Variants in ARHGAP32 observed in about 807,000 individuals in gnomAD.
ARHGAP32 encodes Rho GTPase activating protein 32.
Under a neutral mutation model 186.5 loss-of-function variants are expected in ARHGAP32, and 51 were observed. The observed-to-expected ratio is 0.27, with a 90% CI of 0.22 to 0.35. The LOEUF (loss-of-function observed/expected upper bound fraction) is 0.35, where lower values mean the gene tolerates loss of function less well. Ranked by LOEUF, ARHGAP32 falls within the 10% of genes least tolerant of loss-of-function variation. ARHGAP32 has a pLI of 1.00. For missense variants in ARHGAP32, 2,186 were observed against 2,623.5 expected (o/e 0.83, Z 3.64); for synonymous variants, 950 against 964.3 (o/e 0.99, Z 0.27).
intron 6 of ARHGAP32, among the ~76,000 whole-genome samples, chr11:129,076,643 A>G (rs958409768): frequency 7.9e-5 from 12 of 152,246 alleles, no homozygotes; most frequent in Non-Finnish European, 1.6e-4. Flanking sequence ...AAACAAAAAT[A>G]CAACTTACCC....
chr11:129,125,784 T>G, intron 2 of ARHGAP32: 1 of 353,212 alleles, frequency 2.8e-6, no homozygotes, highest in Non-Finnish European at 5.6e-6. Context: ...GGGTTCAATT[T>G]TCCTTTTTGA....
In ARHGAP32 at chr11:129,223,073, T is replaced by A. The variant is rs7108775; in HGVS notation, c.-5+56073A>T. Among the ~76,000 whole-genome samples the A allele has an allele frequency of 1.4e-3, 218 of 152,328 alleles. 3 individuals are homozygous for A. The East Asian group carries it at 0.029, about 20-fold the overall frequency. ...CTAACTCAATACATCCAAATCATTA[T>A]CAGTTCAATGTGTAATCAATATTCT... is the stretch of plus-strand genomic sequence containing the variant. On this transcript the variant is annotated intron_variant, in intron 1 of 6. Coordinates refer to the ARHGAP32 transcript ENST00000525234.
At chr11:129,019,633 T>C (rs1938509055) in intron 11 of ARHGAP32, among the ~76,000 whole-genome samples, 1 of 152,188 alleles carries the variant, frequency 6.6e-6, no homozygotes, top group Admixed American at 6.5e-5. Flanking sequence ...ATTATTCATA[T>C]TTCAATTCAT....
At position 128,970,512 on chromosome 11, in the gene ARHGAP32, G is replaced by A. The variant is rs1375371480; in HGVS notation, c.4701C>T (p.Ser1567=). Residue 1567 remains serine (S), a synonymous_variant, in exon 23 of 23, where the codon AGC becomes AGT. Transcript: ENST00000682385. This position sits in a 1 kb window ranked among gnomAD's most constrained non-coding sequence, Gnocchi z 5.8. ...TCAAAGAAGACACATACTCGACCCG[G>A]CTGCATGGCTTGGAGTGGTGTCCAG... ...NASGHHSKPC[S]RVEYVSSLSS... 1.2e-6 allele frequency: 2 copies of A among 1,614,068 alleles called. No individual in the cohort carries two copies. The highest frequency in any genetic ancestry group is 1.7e-6 in the Non-Finnish European group (2 of 1,180,038).
rs117757548 is a variant in ARHGAP32 at position 129,037,267 on chromosome 11, C to A, written c.1045+3661G>T. ...ATCCCAGCACTTTTGGAGGCTCATG[C>A]GGGAGGATCACTTAAGGCCAGGAGT... is the stretch of plus-strand genomic sequence containing the variant. On this transcript the variant is annotated intron_variant, in intron 11 of 22. Transcript: ENST00000682385. 6.3e-3 allele frequency among the ~76,000 whole-genome samples: 962 copies of A among 151,806 alleles called. 13 individuals are homozygous for A. The highest frequency in any genetic ancestry group is 9.2e-3 in the Non-Finnish European group (624 of 67,888).
At chr11:128,989,515 T>TACACACACACAC (rs1555065707) in intron 12 of ARHGAP32, among the ~76,000 whole-genome samples, 8 of 87,236 alleles carry the variant, frequency 9.2e-5, no homozygotes, top group South Asian at 6.7e-4. Flanking sequence ...TGTTTTTTAT[T>TACACACACACAC]TCACACACAC....
At chr11:129,106,195 T>C (rs1473472514) in intron 5 of ARHGAP32, among the ~76,000 whole-genome samples, 2 of 152,076 alleles carry the variant, frequency 1.3e-5, no homozygotes, top group African/African-American at 4.8e-5. Flanking sequence ...AGAAAACAAA[T>C]TGTTCTACCA....
intron 1 of ARHGAP32, among the ~76,000 whole-genome samples, chr11:129,229,405 TTTATA>T (rs1944828942): frequency 6.6e-6 from 1 of 152,098 alleles, no homozygotes; most frequent in African/African-American, 2.4e-5. Context: ...GGAAGTTATG[TTTATA>T]TTAATTAGTG....
chr11:129,253,777 G>A (rs1591721306), intron 1 of ARHGAP32, among the ~76,000 whole-genome samples: 1 of 152,040 alleles, frequency 6.6e-6, no homozygotes, highest in African/African-American at 2.4e-5. Flanking sequence ...ATATTCTAGT[G>A]CTTACAAAGT....
intron 1 of ARHGAP32, among the ~76,000 whole-genome samples, chr11:129,173,647 A>T (rs1409021601): frequency 6.6e-6 from 1 of 152,234 alleles, no homozygotes; most frequent in African/African-American, 2.4e-5. Context: ...CATTCCTGGG[A>T]TGCAAGTCTG....
intron 2 of ARHGAP32, among the ~76,000 whole-genome samples, chr11:129,162,367 T>C (rs1591662114): frequency 6.6e-6 from 1 of 152,172 alleles, no homozygotes; most frequent in African/African-American, 2.4e-5. Context: ...AGCAAATCAA[T>C]AGTCACTTAA....
chr11:129,110,535 T>C (rs1302672697), intron 5 of ARHGAP32, among the ~76,000 whole-genome samples: 1 of 152,176 alleles, frequency 6.6e-6, no homozygotes, highest in African/African-American at 2.4e-5. Flanking sequence ...TTGTACAGTA[T>C]GGTCATTTTA....
chr11:129,155,835 G>A (rs755807642), intron 2 of ARHGAP32, among the ~76,000 whole-genome samples: 3 of 152,198 alleles, frequency 2.0e-5, no homozygotes, highest in Non-Finnish European at 4.4e-5. Flanking sequence ...CGAGATCAAT[G>A]CAGAAGGCGG....
At chr11:129,013,258 C>T (rs1008185726) in intron 11 of ARHGAP32, among the ~76,000 whole-genome samples, 2 of 152,214 alleles carry the variant, frequency 1.3e-5, no homozygotes, top group African/African-American at 4.8e-5. Flanking sequence ...ATACGTGCAG[C>T]TCTGGCTTCT....
At chr11:129,006,393 T>C (rs987087876) in intron 11 of ARHGAP32, among the ~76,000 whole-genome samples, 1 of 152,214 alleles carries the variant, frequency 6.6e-6, no homozygotes, top group Non-Finnish European at 1.5e-5. Context: ...TCAAAAGAAG[T>C]TGGGTGTTGT....
At chr11:129,013,138 C>T (rs1420622828) in intron 11 of ARHGAP32, among the ~76,000 whole-genome samples, 2 of 152,156 alleles carry the variant, frequency 1.3e-5, no homozygotes, top group South Asian at 2.1e-4. Context: ...TGACACAAGG[C>T]GCAATTAAGT....
intron 15 of ARHGAP32, among the ~76,000 whole-genome samples, chr11:128,984,723 T>C (rs943779052): frequency 1.3e-5 from 2 of 152,112 alleles, no homozygotes; most frequent in Non-Finnish European, 2.9e-5. Context: ...TAATATAATA[T>C]ATATTAGAAG....
intron 1 of ARHGAP32, among the ~76,000 whole-genome samples, chr11:129,278,565 C>A (rs1945563618): frequency 6.6e-6 from 1 of 152,032 alleles, no homozygotes; most frequent in Non-Finnish European, 1.5e-5. Context: ...ACAGGGGTGG[C>A]GAGGAAGCGA....
chr11:129,158,341 C>T (rs908277771), intron 2 of ARHGAP32, among the ~76,000 whole-genome samples: 3 of 149,114 alleles, frequency 2.0e-5, no homozygotes, highest in Non-Finnish European at 4.4e-5. Flanking sequence ...ATCTCACATG[C>T]GCACATAGGC....
Sources: gnomAD v4.1 joint callset for allele counts (sites outside exome capture counted in the v4.1 genomes callset) on GRCh38, gnomAD v4.1.1 for gene constraint, Gnocchi (gnomAD v3.1) non-coding constraint, MANE v1.5 for transcripts, NCBI Gene and HGNC (gene_info 2026-07-23, HGNC 2026-07-21) for gene names.